The following VPS41 variants were observed in gnomAD, a reference collection of about 807,000 sequenced individuals.
VPS41 encodes VPS41 subunit of HOPS complex.
VPS41 carries 85 observed loss-of-function variants against 130.9 expected under a neutral mutation model. That is an observed-to-expected ratio of 0.65 (90% CI 0.55 to 0.78). VPS41 has a LOEUF of 0.78. Ranked by LOEUF, VPS41 falls within the 30% of genes least tolerant of loss-of-function variation. The pLI, the probability that VPS41 is intolerant of heterozygous loss-of-function variation, is 0.00. For synonymous variants in VPS41, 335 were observed against 332.9 expected (o/e 1.01, Z -0.07); for missense variants, 874 against 1,018.7 (o/e 0.86, Z 1.93).
intron 10 of VPS41, among the ~76,000 whole-genome samples, chr7:38,778,332 T>C (rs759916983): frequency 1.3e-5 from 2 of 152,210 alleles, no homozygotes; most frequent in Admixed American, 6.5e-5. Context: ...CTCCACCACA[T>C]GTGCAGAGAC....
intron 12 of VPS41, 108 bp from the exon 13 acceptor site, chr7:38,772,745 T>C (rs1441150305): frequency 1.6e-6 from 1 of 637,974 alleles, no homozygotes; most frequent in Non-Finnish European, 2.8e-6. Context: ...GAACAGAAAA[T>C]GTGTCTATCT....
At chr7:38,781,188 A>G (rs908202733) in intron 10 of VPS41, among the ~76,000 whole-genome samples, 5 of 152,226 alleles carry the variant, frequency 3.3e-5, no homozygotes, top group African/African-American at 1.2e-4. Context: ...AATACATAAC[A>G]TACCTAAAAT....
chr7:38,766,444 A>G (rs1267512488), intron 15 of VPS41, among the ~76,000 whole-genome samples: 3 of 152,224 alleles, frequency 2.0e-5, no homozygotes, highest in African/African-American at 7.2e-5. Context: ...CTATCTTCCA[A>G]GGATGCTTAT....
intron 2 of VPS41, among the ~76,000 whole-genome samples, chr7:38,878,777 G>A (rs937258375): frequency 1.3e-5 from 2 of 152,306 alleles, no homozygotes; most frequent in African/African-American, 2.4e-5. Context: ...TTTCTTTACC[G>A]AAGAGCTAAG....
chr7:38,877,296 C>T (rs1048242795), intron 2 of VPS41, among the ~76,000 whole-genome samples: 1 of 151,994 alleles, frequency 6.6e-6, no homozygotes, highest in Non-Finnish European at 1.5e-5. Context: ...CCTCAGAGAT[C>T]ATCTAAACTA....
intron 4 of VPS41, among the ~76,000 whole-genome samples, chr7:38,853,565 C>T (rs1785912860): frequency 6.6e-6 from 1 of 152,228 alleles, no homozygotes; most frequent in African/African-American, 2.4e-5. Flanking sequence ...GATTCCTCCC[C>T]TAGGTCTACA....
At chr7:38,752,921 A>G (rs1783709184) in intron 21 of VPS41, among the ~76,000 whole-genome samples, 1 of 152,186 alleles carries the variant, frequency 6.6e-6, no homozygotes, top group African/African-American at 2.4e-5. Context: ...TGGTAACATC[A>G]AAAACAAAAA....
intron 8 of VPS41, among the ~76,000 whole-genome samples, chr7:38,796,218 C>A (rs1229102402): frequency 6.6e-6 from 1 of 152,144 alleles, no homozygotes; most frequent in South Asian, 2.1e-4. Flanking sequence ...AAAAGATATG[C>A]CAGATGTCAA....
At chr7:38,741,923 A>G (rs1562567662) in intron 25 of VPS41, 62 bp downstream of exon 25, 1 of 1,575,148 alleles carries the variant, frequency 6.3e-7, no homozygotes, top group African/African-American at 1.4e-5. Flanking sequence ...AACCCTAGAA[A>G]TATTTATCCA....
At chr7:38,835,250 A>T (rs1785470394) in intron 4 of VPS41, among the ~76,000 whole-genome samples, 1 of 151,828 alleles carries the variant, frequency 6.6e-6, no homozygotes, top group Admixed American at 6.6e-5. Context: ...TATTTTATTA[A>T]TTTCTTACTA....
chr7:38,814,800 TAAAATCTC>T (rs1785009682), intron 7 of VPS41, among the ~76,000 whole-genome samples: 1 of 152,232 alleles, frequency 6.6e-6, no homozygotes, highest in Non-Finnish European at 1.5e-5. Context: ...GGGACAACTG[TAAAATCTC>T]TAACTCTTGA....
intron 4 of VPS41, among the ~76,000 whole-genome samples, chr7:38,845,704 A>G (rs1785708640): frequency 6.6e-6 from 1 of 152,244 alleles, no homozygotes; most frequent in Non-Finnish European, 1.5e-5. Context: ...GCAATGGCAT[A>G]AGGAGCCAAC....
At chr7:38,765,884 T>C in intron 15 of VPS41, 1 of 404,672 alleles carries the variant, frequency 2.5e-6, no homozygotes, top group Non-Finnish European at 4.3e-6. Context: ...TAATATAAAA[T>C]GCTTATAAAT....
Position 38,869,138 on chromosome 7 carries a change from T to G in VPS41, c.168+8A>C. The G allele has an allele frequency of 1.3e-6, 2 of 1,532,720 alleles. No individual in the cohort carries two copies. Among genetic ancestry groups the G allele is most frequent in the South Asian group, 1.2e-5 (1 of 81,164 alleles). The allele number at this position is 1,532,720 out of a possible 1,614,324, so 94.9% of individuals were successfully genotyped here. A position where few individuals can be genotyped will look rare whatever the true frequency, so the allele number is the denominator to read the frequency against. Reference sequence around the variant, plus strand: ...TTACAGAAGAATCCTCTGAAAGTGCTATCTTACCTTGTCATGGACTGTCAT... The same window carrying G: ...TTACAGAAGAATCCTCTGAAAGTGCGATCTTACCTTGTCATGGACTGTCAT... On this transcript the variant is annotated splice_region_variant and intron_variant, in intron 3 of 28. Coordinates refer to ENST00000310301, the MANE Select transcript of VPS41 (RefSeq NM_014396.4).
In VPS41 at chr7:38,909,190, T is replaced by TCAC. The variant is rs766945605; in HGVS notation, c.-17_-16insGTG. 4 of 1,613,896 alleles carry TCAC rather than the reference T, an allele frequency of 2.5e-6. No individual in the cohort carries two copies. In the African/African-American group the frequency reaches 5.3e-5, roughly 22 times the overall value. ...CTTCCGCCATGGCGCCACGGGAGAG[T>TCAC]CACCTGACAGACCCGGAAATAAGAG... On this transcript the variant is annotated 5_prime_UTR_variant, in exon 1 of 29. Transcript: ENST00000310301.
chr7:38,876,911 A>G (rs926853530), intron 2 of VPS41, among the ~76,000 whole-genome samples: 4 of 149,208 alleles, frequency 2.7e-5, no homozygotes, highest in Admixed American at 1.4e-4. Context: ...TGGGAAAGCG[A>G]TAAGAATATA....
chr7:38,765,938 A>G (rs1784034552), intron 15 of VPS41, among the ~76,000 whole-genome samples: 1 of 152,218 alleles, frequency 6.6e-6, no homozygotes, highest in Non-Finnish European at 1.5e-5. Flanking sequence ...GGCTTTCCCA[A>G]CTATCTGCCT....
chr7:38,840,726 A>G (rs1363207103), intron 4 of VPS41, among the ~76,000 whole-genome samples: 2 of 152,218 alleles, frequency 1.3e-5, no homozygotes, highest in Admixed American at 1.3e-4. Context: ...AAGAGACAAA[A>G]ATTAAGACGC....
intron 2 of VPS41, among the ~76,000 whole-genome samples, chr7:38,885,179 T>C (rs1379993789): frequency 6.6e-6 from 1 of 152,190 alleles, no homozygotes; most frequent in East Asian, 1.9e-4. Flanking sequence ...GTTCAGGCAA[T>C]TCCCCTGCCT....
Sources: allele counts gnomAD v4.1 joint callset (sites outside exome capture counted in the v4.1 genomes callset), GRCh38; gene constraint gnomAD v4.1.1; transcripts MANE v1.5; gene names NCBI Gene and HGNC (gene_info 2026-07-23, HGNC 2026-07-21).